Variants in C1orf52 observed in about 807,000 individuals in gnomAD.
C1orf52 encodes chromosome 1 open reading frame 52, also known as UPF0690 protein C1orf52.
C1orf52 carries 5 observed loss-of-function variants against 17.2 expected under a neutral mutation model. The observed-to-expected ratio is 0.29, with a 90% CI of 0.15 to 0.61. The LOEUF (loss-of-function observed/expected upper bound fraction) is 0.61, where lower values mean the gene tolerates loss of function less well. C1orf52 is among the 20% of genes least tolerant of loss of function. The pLI is 0.85. For synonymous variants in C1orf52, 110 were observed against 88.0 expected (o/e 1.25, Z -1.40); for missense variants, 245 against 234.1 (o/e 1.05, Z -0.30).
At chr1:85,257,305 A>G (rs1188005171) in intron 2 of C1orf52, 1 of 614,366 alleles carries the variant, frequency 1.6e-6, no homozygotes. Flanking sequence ...AAAGGAGCAA[A>G]TAATTATTAG....
Position 85,259,629 on chromosome 1 carries a change from G to A in C1orf52, c.5C>T (p.Ala2Val). M[A>V]AEEKDPLSYF... ...GCTCAGAGGGTCCTTCTCCTCCGCT[G>A]CCATGACGGCTGCGAGCGACAACCC... is the stretch of plus-strand genomic sequence containing the variant. Residue 2 changes from alanine to valine, a missense_variant, in exon 1 of 3, where the codon GCA becomes GTA. Coordinates refer to ENST00000471115, the MANE Select transcript of C1orf52 (RefSeq NM_198077.4). 1 of 1,549,990 alleles carries A rather than the reference G, an allele frequency of 6.5e-7. No individual in the cohort carries two copies. The highest frequency in any genetic ancestry group is 8.7e-7 in the Non-Finnish European group (1 of 1,145,376).
At position 85,250,388 on chromosome 1, in the gene C1orf52, T is replaced by G. The variant is rs1469780255; in HGVS notation, c.*2241A>C. The stretch of plus-strand genomic sequence containing the variant: ...TCTTATGTATATGGATTTTTAAGAC[T>G]TTTCCCCACTAGGTTTCCACTAGCT... On this transcript the variant is annotated 3_prime_UTR_variant, in exon 3 of 3. Transcript: ENST00000471115. The G allele has an allele frequency of 6.6e-6, 1 of 152,208 alleles. No individual in the cohort carries two copies. The highest frequency in any genetic ancestry group is 1.5e-5 in the Non-Finnish European group (1 of 68,058). The allele number at this position is 152,208 out of a possible 1,614,324, so 9.4% of individuals were successfully genotyped here. A position where few individuals can be genotyped will look rare whatever the true frequency, so the allele number is the denominator to read the frequency against.
chr1:85,259,032 G>A, intron 1 of C1orf52: 2 of 1,336,190 alleles, frequency 1.5e-6, no homozygotes, highest in Non-Finnish European at 1.9e-6. Flanking sequence ...AGGCACTTCG[G>A]CGTCAAAGGG....
At chr1:85,258,140 A>G (rs1231395386) in intron 2 of C1orf52, among the ~76,000 whole-genome samples, 1 of 151,978 alleles carries the variant, frequency 6.6e-6, no homozygotes, top group Non-Finnish European at 1.5e-5. Flanking sequence ...GAAAAAAAAA[A>G]AGAAAAAGAA....
chr1:85,256,359 CTG>C (rs1570319009), intron 2 of C1orf52, among the ~76,000 whole-genome samples: 2 of 152,158 alleles, frequency 1.3e-5, no homozygotes, highest in South Asian at 4.1e-4. Flanking sequence ...AATTAGAAAA[CTG>C]TGTGAAAGTG....
At chr1:85,259,268 G>A in intron 1 of C1orf52, 90 bp downstream of exon 1, 2 of 1,463,572 alleles carry the variant, frequency 1.4e-6, no homozygotes, top group Non-Finnish European at 1.9e-6. Flanking sequence ...CTGCGTGTGG[G>A]GGGATGGACA....
rs1292948028 is a variant in C1orf52 at position 85,250,282 on chromosome 1, T to TTAAC, written c.*2343_*2346dup. 3.9e-5 allele frequency: 6 copies of TTAAC among 152,264 alleles called. No homozygotes were observed. The East Asian group carries it at 1.2e-3, about 29-fold the overall frequency. 9.4% of individuals were successfully genotyped at this position (152,264 alleles called of 1,614,324 possible). On this transcript the variant is annotated 3_prime_UTR_variant, in exon 3 of 3. Transcript: ENST00000471115. ...CAGGATCTCAACATGTTGCCCAGGC[T>TTAAC]TAACTTAAAGTGCAGGAAACAATCA...
chr1:85,258,433 A>C (rs1427205075), intron 2 of C1orf52, 91 bp downstream of exon 2: 4 of 1,149,674 alleles, frequency 3.5e-6, no homozygotes, highest in Non-Finnish European at 3.8e-6. Context: ...TCAATTCGCT[A>C]GATTTAATTT....
In C1orf52 at chr1:85,251,139, C is replaced by T. The variant is rs553545451; in HGVS notation, c.*1490G>A. On this transcript the variant is annotated 3_prime_UTR_variant, in exon 3 of 3. Transcript: ENST00000471115. ...CACATGCCTAGGTAAACAAATCTCG[C>T]GTAATTGTTCAAATTTTATCTTCCA... 23 of 152,020 alleles carry T rather than the reference C, an allele frequency of 1.5e-4. No homozygotes were observed. The highest frequency in any genetic ancestry group is 3.9e-4 in the African/African-American group (16 of 41,446). The allele number at this position is 152,020 out of a possible 1,614,324, so 9.4% of individuals were successfully genotyped here.
chr1:85,252,940 G>A (rs1454701522), intron 2 of C1orf52, among the ~76,000 whole-genome samples: 1 of 151,936 alleles, frequency 6.6e-6, no homozygotes, highest in East Asian at 1.9e-4. Flanking sequence ...TAACTCTTTA[G>A]GTGCTATACT....
At position 85,250,058 on chromosome 1, in the gene C1orf52, AGCAG is replaced by A. The variant is rs1659761369; in HGVS notation, c.*2567_*2570del. On this transcript the variant is annotated 3_prime_UTR_variant, in exon 3 of 3. Transcript: ENST00000471115. ...GCAAGACACATCTTATGTGGAGGGCAGCAGGCAGAGAGCTTGTGCAGGGCAACTC... is the reference window on the plus strand; with the variant it reads ...GCAAGACACATCTTATGTGGAGGGCAGCAGAGAGCTTGTGCAGGGCAACTC... 1 of 152,686 alleles carries A rather than the reference AGCAG, an allele frequency of 6.5e-6. No individual in the cohort carries two copies. Among genetic ancestry groups the A allele is most frequent in the South Asian group, 2.1e-4 (1 of 4,828 alleles). 9.5% of individuals were successfully genotyped at this position (152,686 alleles called of 1,614,324 possible). A position where few individuals can be genotyped will look rare whatever the true frequency, so the allele number is the denominator to read the frequency against.
At position 85,250,566 on chromosome 1, in the gene C1orf52, G is replaced by A. The variant is rs1313154531; in HGVS notation, c.*2063C>T. The stretch of plus-strand genomic sequence containing the variant: ...CCAACCAGGAGATACAAATGGCTGA[G>A]TCAGACTTGCTCCAAAATATTTAGC... On this transcript the variant is annotated 3_prime_UTR_variant, in exon 3 of 3. Coordinates refer to ENST00000471115, the MANE Select transcript of C1orf52 (RefSeq NM_198077.4). 1 of 152,218 alleles carries A rather than the reference G, an allele frequency of 6.6e-6. No individual in the cohort carries two copies. The highest frequency in any genetic ancestry group is 1.5e-5 in the Non-Finnish European group (1 of 68,044). 9.4% of individuals were successfully genotyped at this position (152,218 alleles called of 1,614,324 possible). A position where few individuals can be genotyped will look rare whatever the true frequency, so the allele number is the denominator to read the frequency against.
Position 85,259,482 on chromosome 1 carries a change from T to C in C1orf52, c.152A>G (p.Lys51Arg), listed in dbSNP as rs747803807. 3 of 1,613,812 alleles carry C rather than the reference T, an allele frequency of 1.9e-6. No individual in the cohort carries two copies. The highest frequency in any genetic ancestry group is 1.3e-5 in the African/African-American group (1 of 74,912). Reference protein sequence around the residue: ...PAKSAGGCRNKAEKRLPGPDE... With the variant: ...PAKSAGGCRNRAEKRLPGPDE... ...AGGTCCCGGGAGCCGCTTCTCCGCCTTGTTCCTACAGCCGCCCGCCGACTT... is the reference window on the plus strand; with the variant it reads ...AGGTCCCGGGAGCCGCTTCTCCGCCCTGTTCCTACAGCCGCCCGCCGACTT... Residue 51 changes from lysine (K) to arginine (R), a missense_variant, in exon 1 of 3, where the codon AAG becomes AGG. Lys to Arg is a conservative substitution (Grantham distance 26). Transcript: ENST00000471115.
intron 2 of C1orf52, among the ~76,000 whole-genome samples, chr1:85,254,934 T>G (rs1323446895): frequency 6.6e-6 from 1 of 152,248 alleles, no homozygotes; most frequent in African/African-American, 2.4e-5. Context: ...TGAGCAGAAG[T>G]GCTATGCCAT....
chr1:85,259,294 G>A lies in C1orf52; in HGVS notation c.276+64C>T, dbSNP rs1248809833. 28 of 1,553,108 alleles carry A rather than the reference G, an allele frequency of 1.8e-5. No individual in the cohort carries two copies. The East Asian group carries it at 5.2e-4, about 29-fold the overall frequency. ...GGGATGGACAGCAGGTCCCCAGCAG[G>A]GGGCTCAGGAGAAAGGGGGCGCAGG... On this transcript the variant is annotated intron_variant, in intron 1 of 2. Coordinates refer to ENST00000471115, the MANE Select transcript of C1orf52 (RefSeq NM_198077.4).
chr1:85,259,648 A>T lies in C1orf52; in HGVS notation c.-15T>A. On this transcript the variant is annotated 5_prime_UTR_variant, in exon 1 of 3. Transcript: ENST00000471115. ...TCCGCTGCCATGACGGCTGCGAGCGACAACCCAGCACTCCGCCGGAAGCCG... is the reference window on the plus strand; with the variant it reads ...TCCGCTGCCATGACGGCTGCGAGCGTCAACCCAGCACTCCGCCGGAAGCCG... The T allele has an allele frequency of 1.3e-6, 2 of 1,516,054 alleles. No individual in the cohort carries two copies. Among genetic ancestry groups the T allele is most frequent in the African/African-American group, 1.5e-5 (1 of 68,576 alleles). The allele number at this position is 1,516,054 out of a possible 1,614,324, so 93.9% of individuals were successfully genotyped here. A position where few individuals can be genotyped will look rare whatever the true frequency, so the allele number is the denominator to read the frequency against.
intron 2 of C1orf52, among the ~76,000 whole-genome samples, chr1:85,255,243 C>T (rs1659906056): frequency 6.6e-6 from 1 of 152,130 alleles, no homozygotes; most frequent in African/African-American, 2.4e-5. Context: ...TGCTTACCTA[C>T]ATTTTACAAC....
rs750735068 is a variant in C1orf52, at chr1:85,258,618, T to C, written c.381A>G (p.Lys127=). ...CATTGTCCTCATATATGTTAGACCA[T>C]TTTATTGCCATGTCAAGCTCTGGAG... ...PPPPELDMAI[K]WSNIYEDNGD... Residue 127 remains lysine, a synonymous_variant, in exon 2 of 3, where the codon AAA becomes AAG. Coordinates refer to ENST00000471115, the MANE Select transcript of C1orf52 (RefSeq NM_198077.4). 1 of 1,614,086 alleles carries C rather than the reference T, an allele frequency of 6.2e-7. No individual in the cohort carries two copies. Among genetic ancestry groups the C allele is most frequent in the South Asian group, 1.1e-5 (1 of 91,076 alleles).
intron 1 of C1orf52, 113 bp downstream of exon 1, chr1:85,259,244 TC>T (rs1212599259): frequency 8.4e-7 from 1 of 1,185,908 alleles, no homozygotes; most frequent in Non-Finnish European, 1.1e-6. Context: ...TGGTGCGGCA[TC>T]CCGCGGGGGT....
Sources: allele counts gnomAD v4.1 joint callset (sites outside exome capture counted in the v4.1 genomes callset), GRCh38; gene constraint gnomAD v4.1.1; transcripts MANE v1.5; gene names NCBI Gene and HGNC (gene_info 2026-07-23, HGNC 2026-07-21).